PADI4: variants seen among roughly 807,000 people sequenced by gnomAD.
PADI4 encodes the protein peptidyl arginine deiminase 4.
A neutral mutation model predicts 75.0 loss-of-function variants in PADI4; 62 were observed. That is an observed-to-expected ratio of 0.83 (90% CI 0.67 to 1.02). The LOEUF (loss-of-function observed/expected upper bound fraction) is 1.02, where lower values mean the gene tolerates loss of function less well. Ranked by LOEUF, PADI4 falls within the 50% of genes least tolerant of loss-of-function variation. The pLI is 0.00. For synonymous variants in PADI4, 361 were observed against 348.1 expected (o/e 1.04, Z -0.41); for missense variants, 845 against 850.5 (o/e 0.99, Z 0.08).
intron 1 of PADI4, among the ~76,000 whole-genome samples, chr1:17,318,173 T>C (rs2073972729): frequency 6.6e-6 from 1 of 152,158 alleles, no homozygotes; most frequent in African/African-American, 2.4e-5. Context: ...CATTGGTCTT[T>C]AGGAAGTGCT....
chr1:17,347,963 T>C lies in PADI4; in HGVS notation c.1070T>C (p.Ile357Thr), dbSNP rs755724703. 83 of 1,598,796 alleles carry C rather than the reference T, an allele frequency of 5.2e-5. No individual in the cohort carries two copies. Among genetic ancestry groups the C allele is most frequent in the Non-Finnish European group, 7.1e-5 (83 of 1,170,770 alleles). ...WMQDEMEIGYIQAPHKTLPVV... is the reference protein window; with the variant it reads ...WMQDEMEIGYTQAPHKTLPVV... The stretch of plus-strand genomic sequence containing the variant: ...CAGGATGAAATGGAGATCGGCTACA[T>C]CCAAGCCCCACACAAAACGCTGCCC... The change falls in exon 10 of 16, where the codon ATC becomes ACC. Residue 357 changes from isoleucine to threonine, a missense_variant. Coordinates refer to ENST00000375448, the MANE Select transcript of PADI4 (RefSeq NM_012387.3).
Position 17,338,117 on chromosome 1 carries a change from C to T in PADI4, c.488C>T (p.Ala163Val). Residue 163 changes from alanine (A) to valine (V), a missense_variant, in exon 5 of 16, where the codon GCC becomes GTC. By Grantham distance (64) the Ala-to-Val change is moderately conservative (BLOSUM62 0). Transcript: ENST00000375448. ...GACAGAGACAATCTCGAATCTTCTG[C>T]CATGGACTGCGAGGATGATGAAGTG... ...NCDRDNLESS[A>V]MDCEDDEVLD... is the part of the protein sequence containing the mutation. 6.2e-7 allele frequency: 1 copy of T among 1,612,848 alleles called. No individual in the cohort carries two copies. Among genetic ancestry groups the T allele is most frequent in the Non-Finnish European group, 8.5e-7 (1 of 1,179,064 alleles).
Position 17,342,335 on chromosome 1 carries a change from G to A in PADI4, c.868G>A (p.Val290Ile). The A allele has an allele frequency of 6.2e-7, 1 of 1,614,052 alleles. No homozygotes were observed. Among genetic ancestry groups the A allele is most frequent in the Non-Finnish European group, 8.5e-7 (1 of 1,179,932 alleles). ...PEAVVFQDSV[V>I]FRVAPWIMTP... ...GGCTGTGGTGTTCCAAGACAGCGTGGTCTTCCGCGTGGCGCCCTGGATCAT... is the reference window on the plus strand; with the variant it reads ...GGCTGTGGTGTTCCAAGACAGCGTGATCTTCCGCGTGGCGCCCTGGATCAT... The change falls in exon 8 of 16, where the codon GTC (valine) becomes ATC (isoleucine). Residue 290 changes from valine to isoleucine, a missense_variant. Coordinates refer to ENST00000375448, the MANE Select transcript of PADI4 (RefSeq NM_012387.3).
chr1:17,351,351 G>A (rs557114359), intron 10 of PADI4, among the ~76,000 whole-genome samples: 1 of 151,064 alleles, frequency 6.6e-6, no homozygotes, highest in East Asian at 1.9e-4. Context: ...AGCACTTCGG[G>A]AGGCCAAGGC....
chr1:17,359,099 C>T (rs981755507), intron 14 of PADI4, among the ~76,000 whole-genome samples, 181 bp from the exon 15 acceptor site: 1 of 152,136 alleles, frequency 6.6e-6, no homozygotes, highest in Non-Finnish European at 1.5e-5. Flanking sequence ...GCCCCAGGGT[C>T]CCCCGAGAGC....
At chr1:17,338,317 G>A (rs186021048) in intron 5 of PADI4, among the ~76,000 whole-genome samples, 162 bp downstream of exon 5, 2 of 152,306 alleles carry the variant, frequency 1.3e-5, no homozygotes, top group East Asian at 1.9e-4. Flanking sequence ...GCCCTCGGGG[G>A]TCAAGTGACC....
rs918157168 is a variant in PADI4 at position 17,356,658 on chromosome 1, A to C, written c.1558+199A>C. 2.0e-5 allele frequency among the ~76,000 whole-genome samples: 3 copies of C among 152,150 alleles called. No individual in the cohort carries two copies. Among genetic ancestry groups the C allele is most frequent in the Non-Finnish European group, 4.4e-5 (3 of 68,010 alleles). ...CCTGTGGGCTCACAGGCCAGGGGGA[A>C]GTGAGTCAAAAGAACAGCTCCAACA... On this transcript the variant is annotated intron_variant, in intron 13 of 15. Coordinates refer to ENST00000375448, the MANE Select transcript of PADI4 (RefSeq NM_012387.3). The surrounding 1 kb of genome is among the most constrained non-coding windows in gnomAD (Gnocchi z 4.1).
intron 1 of PADI4, among the ~76,000 whole-genome samples, chr1:17,309,244 T>C (rs570071981): frequency 1.2e-4 from 18 of 151,998 alleles, no homozygotes; most frequent in African/African-American, 4.3e-4. Flanking sequence ...GTGAGCCTTA[T>C]TGCTCCTCTT....
At chr1:17,318,808 C>T (rs1022502467) in intron 1 of PADI4, among the ~76,000 whole-genome samples, 2 of 151,588 alleles carry the variant, frequency 1.3e-5, no homozygotes, top group African/African-American at 2.4e-5. Context: ...GCCTCAGCCT[C>T]CCGAGTAGCT....
intron 1 of PADI4, among the ~76,000 whole-genome samples, chr1:17,312,762 T>C (rs575804166): frequency 5.9e-5 from 9 of 152,174 alleles, no homozygotes; most frequent in Admixed American, 2.6e-4. Flanking sequence ...TAACTTACAT[T>C]GTCAGGGTGA....
Position 17,363,754 on chromosome 1 carries a change from G to C in PADI4, c.1991G>C (p.Ter664SerextTer27). ...TTCAAGTGGTGGAACATGGTGCCCT[G>C]AGCCCATCTTCCCTGGCGTCCTCTC... is the stretch of plus-strand genomic sequence containing the variant. Reference protein sequence around the residue: ...FSFKWWNMVP* With the variant: ...FSFKWWNMVPS The change falls in exon 16 of 16, where the codon TGA (stop) becomes TCA (serine). Residue 664 changes from the stop codon to serine, a stop_lost. Transcript: ENST00000375448. The C allele has an allele frequency of 6.2e-7, 1 of 1,608,008 alleles. No individual in the cohort carries two copies. Among genetic ancestry groups the C allele is most frequent in the South Asian group, 1.1e-5 (1 of 90,988 alleles).
chr1:17,340,749 A>G (rs1278778352), intron 6 of PADI4, among the ~76,000 whole-genome samples: 1 of 149,812 alleles, frequency 6.7e-6, no homozygotes, highest in Non-Finnish European at 1.5e-5. Flanking sequence ...TGGGCCTGAC[A>G]ATCATTCTGA....
chr1:17,323,644 C>T (rs944956808), intron 1 of PADI4, among the ~76,000 whole-genome samples: 4 of 152,070 alleles, frequency 2.6e-5, no homozygotes, highest in African/African-American at 9.7e-5. Flanking sequence ...GACTAGCCTG[C>T]ATGACATGGC....
At chr1:17,349,307 G>T (rs1390489399) in intron 10 of PADI4, among the ~76,000 whole-genome samples, 1 of 152,194 alleles carries the variant, frequency 6.6e-6, no homozygotes, top group Non-Finnish European at 1.5e-5. Flanking sequence ...CAGACAGACG[G>T]ACACCTCGGC....
intron 8 of PADI4, among the ~76,000 whole-genome samples, chr1:17,345,550 C>A (rs373758583): frequency 3.9e-5 from 6 of 152,222 alleles, no homozygotes; most frequent in South Asian, 4.1e-4. Flanking sequence ...TGGGAGGGAC[C>A]CAGTGGGAGA....
intron 1 of PADI4, among the ~76,000 whole-genome samples, chr1:17,329,351 G>A (rs1396068863): frequency 1.3e-5 from 2 of 151,194 alleles, no homozygotes; most frequent in East Asian, 1.9e-4. Context: ...AGTAAATCTT[G>A]TATAACTTTG....
At chr1:17,340,773 G>T (rs540885040) in intron 6 of PADI4, among the ~76,000 whole-genome samples, 107 of 148,980 alleles carry the variant, frequency 7.2e-4, no homozygotes, top group African/African-American at 2.6e-3. Flanking sequence ...TGATCATTCT[G>T]CCTGGTCTAT....
At chr1:17,352,201 G>A (rs12038068) in intron 10 of PADI4, among the ~76,000 whole-genome samples, 2,219 of 111,012 alleles carry the variant, frequency 0.02, 30 homozygotes, top group East Asian at 0.023. Context: ...GGAGGAGATG[G>A]GAGGTGGTAA....
chr1:17,349,564 G>A (rs1429620561), intron 10 of PADI4, among the ~76,000 whole-genome samples: 3 of 152,076 alleles, frequency 2.0e-5, no homozygotes, highest in Non-Finnish European at 4.4e-5. Flanking sequence ...AATTAGCTGG[G>A]CATGGTGGTG....
Sources: gnomAD v4.1 joint callset for allele counts (sites outside exome capture counted in the v4.1 genomes callset) on GRCh38, gnomAD v4.1.1 for gene constraint, Gnocchi (gnomAD v3.1) non-coding constraint, MANE v1.5 for transcripts, NCBI Gene and HGNC (gene_info 2026-07-23, HGNC 2026-07-21) for gene names.